The following PHACTR2 variants were observed in gnomAD, a reference collection of about 807,000 sequenced individuals.
PHACTR2 encodes phosphatase and actin regulator 2, also known as chromosome 6 open reading frame 56.
PHACTR2 carries 30 observed loss-of-function variants against 76.0 expected under a neutral mutation model. The ratio of observed to expected loss-of-function variants is 0.39; its 90% CI spans 0.30 to 0.54. The LOEUF is 0.54. Ranked by LOEUF, PHACTR2 falls within the 20% of genes least tolerant of loss-of-function variation. The probability of loss-of-function intolerance (pLI) is 0.61; values close to 1 mark genes in which losing one functional copy is unlikely to be tolerated. For synonymous variants in PHACTR2, 292 were observed against 292.5 expected (o/e 1.00, Z 0.02); for missense variants, 696 against 781.1 (o/e 0.89, Z 1.30).
chr6:143,807,537 T>G lies in PHACTR2; in HGVS notation c.1922+404T>G, dbSNP rs551718264. Among the ~76,000 whole-genome samples the G allele has an allele frequency of 6.6e-6, 1 of 152,188 alleles. No homozygotes were observed. The highest frequency in any genetic ancestry group is 6.5e-5 in the Admixed American group (1 of 15,280). ...GGCTACATTTTGGTTCCTTTCTTCGTTTTTTTCTGGGTCTGAAGACATCAT... is the reference window on the plus strand; with the variant it reads ...GGCTACATTTTGGTTCCTTTCTTCGGTTTTTTCTGGGTCTGAAGACATCAT... On this transcript the variant is annotated intron_variant, in intron 12 of 12. Coordinates refer to ENST00000440869, the MANE Select transcript of PHACTR2 (RefSeq NM_001100164.2). The surrounding 1 kb of genome is among the most constrained non-coding windows in gnomAD (Gnocchi z 5.5).
intron 9 of PHACTR2, among the ~76,000 whole-genome samples, chr6:143,779,952 T>A (rs1474629403): frequency 8.8e-6 from 1 of 113,074 alleles, no homozygotes; most frequent in Non-Finnish European, 1.9e-5. Context: ...ATATTATATT[T>A]AGTTATTCAT....
Position 143,571,439 on chromosome 6 carries a change from C to T in PHACTR2, c.217+34232C>T, listed in dbSNP as rs904517823. Among the ~76,000 whole-genome samples the T allele has an allele frequency of 6.6e-6, 1 of 152,180 alleles. No individual in the cohort carries two copies. The highest frequency in any genetic ancestry group is 2.1e-4 in the South Asian group (1 of 4,830). On this transcript the variant is annotated intron_variant, in intron 1 of 11. Transcript: ENST00000367584. This position sits in a 1 kb window ranked among gnomAD's most constrained non-coding sequence, Gnocchi z 4.6. ...ATTTCTTTTTTTAGAGACCCTCCAG[C>T]TCTGTCACCCAGGCTGGTGCAGTGG... is the stretch of plus-strand genomic sequence containing the variant.
intron 1 of PHACTR2, among the ~76,000 whole-genome samples, chr6:143,568,171 A>T (rs545764579): frequency 2.0e-5 from 3 of 152,222 alleles, no homozygotes; most frequent in African/African-American, 7.2e-5. Flanking sequence ...GACACTCAAG[A>T]GTTAAGGGAA....
upstream of PHACTR2, among the ~76,000 whole-genome samples, chr6:143,677,342 G>A (rs1777268351): frequency 1.3e-5 from 2 of 152,016 alleles, no homozygotes; most frequent in Admixed American, 1.3e-4. Flanking sequence ...ATTATAGAAG[G>A]GTTTAATTCA....
intron 1 of PHACTR2, among the ~76,000 whole-genome samples, chr6:143,577,018 ATATT>A: frequency 6.6e-6 from 1 of 151,538 alleles, no homozygotes; most frequent in African/African-American, 2.4e-5. Flanking sequence ...ATCAGATTAT[ATATT>A]TATGTGCTTT....
rs575734001 is a variant in PHACTR2 at position 143,794,208 on chromosome 6, A to G, written c.1845+5298A>G. ...ACAATATTATTGCCCAAAGATCCTA[A>G]GACTATCAATGGTCTTAGTGTATAT... On this transcript the variant is annotated intron_variant, in intron 11 of 12. Transcript: ENST00000440869. This position sits in a 1 kb window ranked among gnomAD's most constrained non-coding sequence, Gnocchi z 4.1. Among the ~76,000 whole-genome samples the G allele has an allele frequency of 1.2e-4, 18 of 151,932 alleles. 1 individual carries two copies. In the South Asian group the frequency reaches 3.7e-3, roughly 31 times the overall value.
At chr6:143,771,186 ATATGTG>A (rs1367760531) in intron 6 of PHACTR2, among the ~76,000 whole-genome samples, 3 of 34,024 alleles carry the variant, frequency 8.8e-5, no homozygotes, top group African/African-American at 5.4e-4. Context: ...ATATATATAT[ATATGTG>A]TGTATATATA....
rs1252220175 is a variant in PHACTR2, at chr6:143,738,216, T to TG, written c.215-10763dup. On this transcript the variant is annotated intron_variant, in intron 2 of 12. Coordinates refer to ENST00000440869, the MANE Select transcript of PHACTR2 (RefSeq NM_001100164.2). The surrounding 1 kb of genome is among the most constrained non-coding windows in gnomAD (Gnocchi z 4.0). The stretch of plus-strand genomic sequence containing the variant: ...CACAAGGTCAGGAGTTCGAAACCAG[T>TG]GGGGGGCGCCTGTAATCCCAGCTAC... Among the ~76,000 whole-genome samples the TG allele has an allele frequency of 2.0e-5, 3 of 151,804 alleles. No individual in the cohort carries two copies. The highest frequency in any genetic ancestry group is 6.6e-5 in the Admixed American group (1 of 15,240).
At position 143,541,980 on chromosome 6, in the gene PHACTR2, A is replaced by G. The variant is rs72994546; in HGVS notation, c.217+4773A>G. Among the ~76,000 whole-genome samples the G allele has an allele frequency of 1.2e-3, 179 of 152,328 alleles. No homozygotes were observed. Among genetic ancestry groups the G allele is most frequent in the Non-Finnish European group, 2.0e-3 (135 of 68,016 alleles). On this transcript the variant is annotated intron_variant, in intron 1 of 11. Transcript: ENST00000367584. The surrounding 1 kb of genome is among the most constrained non-coding windows in gnomAD (Gnocchi z 5.3). ...AAGCTGGAGGTGCCCTAGGCCAGGAACAATGAACACCTGCTCACTTTACAT... is the reference window on the plus strand; with the variant it reads ...AAGCTGGAGGTGCCCTAGGCCAGGAGCAATGAACACCTGCTCACTTTACAT...
chr6:143,748,507 T>C (rs1779118209), intron 2 of PHACTR2, among the ~76,000 whole-genome samples: 2 of 152,146 alleles, frequency 1.3e-5, no homozygotes, highest in Admixed American at 1.3e-4. Flanking sequence ...TTGTAATAGA[T>C]GGAGTGAGAG....
At chr6:143,655,811 C>T (rs1236001611) in intron 1 of PHACTR2, among the ~76,000 whole-genome samples, 2 of 152,308 alleles carry the variant, frequency 1.3e-5, no homozygotes, top group Non-Finnish European at 2.9e-5. Flanking sequence ...GAAAGTTCTT[C>T]GGAATTTTTA....
chr6:143,771,208 A>C (rs868136555), intron 6 of PHACTR2, among the ~76,000 whole-genome samples: 2 of 80,450 alleles, frequency 2.5e-5, no homozygotes, highest in Non-Finnish European at 4.3e-5. Flanking sequence ...ATATATATAT[A>C]TATATATATA....
chr6:143,559,702 T>C (rs1359993336), intron 1 of PHACTR2, among the ~76,000 whole-genome samples: 1 of 120,592 alleles, frequency 8.3e-6, no homozygotes, highest in Admixed American at 8.4e-5. Flanking sequence ...TTTTTTTTTT[T>C]TTTTTTTTTT....
At chr6:143,677,426 A>C (rs985633006), upstream of PHACTR2, among the ~76,000 whole-genome samples, 1 of 152,190 alleles carries the variant, frequency 6.6e-6, no homozygotes, top group Non-Finnish European at 1.5e-5. Flanking sequence ...ATTCTTTTGA[A>C]ATAAAGGAGA....
chr6:143,692,833 G>A (rs191622942), intron 1 of PHACTR2, among the ~76,000 whole-genome samples: 1 of 152,148 alleles, frequency 6.6e-6, no homozygotes, highest in Non-Finnish European at 1.5e-5. Context: ...TACAGTATTC[G>A]TCTGCTAAGG....
chr6:143,728,827 AAATC>A (rs1299125795), intron 2 of PHACTR2, among the ~76,000 whole-genome samples: 2 of 152,200 alleles, frequency 1.3e-5, no homozygotes, highest in African/African-American at 4.8e-5. Context: ...CAGTATATAA[AAATC>A]AACGCAAAAT....
At chr6:143,612,396 C>G (rs1775992881) in intron 1 of PHACTR2, among the ~76,000 whole-genome samples, 1 of 152,140 alleles carries the variant, frequency 6.6e-6, no homozygotes. Context: ...GATGGTGACT[C>G]AGGAGAAGGG....
rs930347944 is a variant in PHACTR2 at position 143,550,837 on chromosome 6, G to A, written c.217+13630G>A. ...GCAGATCATTTGAGCCCAGGGGTTC[G>A]AGATCAGCCTGGGCAACATGGTGAA... is the stretch of plus-strand genomic sequence containing the variant. On this transcript the variant is annotated intron_variant, in intron 1 of 11. Coordinates refer to the PHACTR2 transcript ENST00000367584. This position sits in a 1 kb window ranked among gnomAD's most constrained non-coding sequence, Gnocchi z 4.8. Among the ~76,000 whole-genome samples, 2 of 152,030 alleles carry A rather than the reference G, an allele frequency of 1.3e-5. No homozygotes were observed. Among genetic ancestry groups the A allele is most frequent in the Admixed American group, 6.6e-5 (1 of 15,246 alleles).
intron 2 of PHACTR2, among the ~76,000 whole-genome samples, chr6:143,712,548 T>G (rs1406383276): frequency 6.6e-6 from 1 of 151,588 alleles, no homozygotes; most frequent in East Asian, 1.9e-4. Context: ...TATATTTAGT[T>G]AGACTATACT....
Sources: allele counts gnomAD v4.1 joint callset (sites outside exome capture counted in the v4.1 genomes callset), GRCh38; gene constraint gnomAD v4.1.1; non-coding constraint Gnocchi (gnomAD v3.1); transcripts MANE v1.5; gene names NCBI Gene and HGNC (gene_info 2026-07-23, HGNC 2026-07-21).